The following FAM149A variants were observed in gnomAD, a reference collection of about 807,000 sequenced individuals.
FAM149A encodes family with sequence similarity 149 member A, also known as protein FAM149A.
In FAM149A, 71 loss-of-function variants were observed where a neutral mutation model predicts 78.2. That is an observed-to-expected ratio of 0.91 (90% CI 0.75 to 1.11). The LOEUF is 1.11. FAM149A is among the 50% of genes least tolerant of loss of function. The probability of loss-of-function intolerance (pLI) is 0.00; values close to 1 mark genes in which losing one functional copy is unlikely to be tolerated. For missense variants in FAM149A, 1,036 were observed against 971.0 expected (o/e 1.07, Z -0.89); for synonymous variants, 446 against 410.5 (o/e 1.09, Z -1.04).
intron 1 of FAM149A, among the ~76,000 whole-genome samples, chr4:186,137,397 C>T (rs1346688408): frequency 1.3e-5 from 2 of 152,110 alleles, no homozygotes; most frequent in Non-Finnish European, 2.9e-5. Flanking sequence ...GTCCCTCATG[C>T]ACATTCATAT....
chr4:186,130,376 A>AT (rs142273954), intron 1 of FAM149A, among the ~76,000 whole-genome samples: 2,253 of 149,000 alleles, frequency 0.015, 55 homozygotes, highest in African/African-American at 0.053. Flanking sequence ...TGTAACAGTA[A>AT]TTGTGTATAA....
chr4:186,168,868 C>T (rs1388863006), intron 13 of FAM149A, among the ~76,000 whole-genome samples: 1 of 152,166 alleles, frequency 6.6e-6, no homozygotes, highest in Non-Finnish European at 1.5e-5. Flanking sequence ...GGGTGAGCAG[C>T]ACCACCTGGA....
intron 1 of FAM149A, chr4:186,118,149 T>C (rs1304967214): frequency 2.0e-6 from 2 of 985,164 alleles, no homozygotes; most frequent in South Asian, 9.4e-5. Flanking sequence ...CGTACAGGAG[T>C]TGGTGAACAC....
chr4:186,136,176 T>C (rs1055384140), intron 1 of FAM149A, among the ~76,000 whole-genome samples: 2 of 152,244 alleles, frequency 1.3e-5, no homozygotes, highest in African/African-American at 4.8e-5. Flanking sequence ...AAATTTGGCC[T>C]TATTGATGTT....
chr4:186,161,278 T>C lies in FAM149A; in HGVS notation c.1576-1567T>C, dbSNP rs568226733. ...TAACATGAGAAAGGAAGGGAGGCTC[T>C]TCAAAGCAAAAGCAAAACTGCACCT... On this transcript the variant is annotated intron_variant, in intron 8 of 13. Transcript: ENST00000389354. Among the ~76,000 whole-genome samples the C allele has an allele frequency of 1.2e-4, 18 of 152,284 alleles. No homozygotes were observed. In the South Asian group the frequency reaches 3.7e-3, roughly 32 times the overall value.
In FAM149A at chr4:186,169,661, C is replaced by A. The variant is rs188415539; in HGVS notation, c.2219-2253C>A. The A allele has an allele frequency of 2.9e-5, 29 of 985,392 alleles. No homozygotes were observed. In the East Asian group the frequency reaches 2.0e-3, roughly 69 times the overall value. 61.0% of individuals were successfully genotyped at this position (985,392 alleles called of 1,614,324 possible). A position where few individuals can be genotyped will look rare whatever the true frequency, so the allele number is the denominator to read the frequency against. On this transcript the variant is annotated intron_variant, in intron 13 of 13. Transcript: ENST00000389354. ...AAACCAGAGTGGATTCATGGTGACA[C>A]CTTCGGCATATCACTCACTGCTTTC...
intron 13 of FAM149A, among the ~76,000 whole-genome samples, chr4:186,167,828 C>T (rs182179141): frequency 1.2e-4 from 19 of 152,254 alleles, no homozygotes; most frequent in African/African-American, 4.3e-4. Context: ...TGGAGTCTGA[C>T]GTTGGATTTC....
intron 6 of FAM149A, chr4:186,154,973 T>A (rs1733925051): frequency 3.1e-6 from 3 of 983,130 alleles, no homozygotes; most frequent in Non-Finnish European, 2.4e-6. Context: ...TGTTCTTTTT[T>A]TTTTTTTGAG....
chr4:186,146,895 C>A (rs1579867564), intron 1 of FAM149A: 1 of 985,408 alleles, frequency 1.0e-6, no homozygotes. Flanking sequence ...TCGTCTTCGC[C>A]GTTTGAGTCT....
intron 1 of FAM149A, chr4:186,123,107 C>A: frequency 2.3e-6 from 1 of 426,674 alleles, no homozygotes; most frequent in Non-Finnish European, 3.1e-6. Flanking sequence ...ATTCATAGGC[C>A]ATGCCTCTGC....
intron 1 of FAM149A, among the ~76,000 whole-genome samples, chr4:186,135,116 A>G (rs2099322182): frequency 6.6e-6 from 1 of 152,290 alleles, no homozygotes; most frequent in Non-Finnish European, 1.5e-5. Context: ...CTGGGTTTTT[A>G]CGAGCTCTCT....
chr4:186,123,896 A>G, intron 1 of FAM149A: 1 of 871,252 alleles, frequency 1.1e-6, no homozygotes, highest in Non-Finnish European at 1.4e-6. Context: ...AAAATAAAAC[A>G]CTTTTTGTAC....
At chr4:186,170,668 G>A (rs1044761585) in intron 13 of FAM149A, among the ~76,000 whole-genome samples, 3 of 152,178 alleles carry the variant, frequency 2.0e-5, no homozygotes, top group African/African-American at 7.2e-5. Flanking sequence ...GTGTGCAGGG[G>A]TCCCTGGGGC....
At chr4:186,109,771 A>C (rs1368350545) in intron 1 of FAM149A, 5 of 983,176 alleles carry the variant, frequency 5.1e-6, no homozygotes, top group Non-Finnish European at 6.0e-6. Context: ...ACAGAGAAAA[A>C]TGATTCATTA....
rs1388275597 is a variant in FAM149A, at chr4:186,105,476, G to A, written c.400G>A (p.Gly134Ser). ...CCCAGCGCGGCCGCCCTCGGGCCCC[G>A]GCGGGGTCTGGGCCGCGCTCCCCAG... The change falls in exon 1 of 14, where the codon GGC (glycine) becomes AGC (serine). Residue 134 changes from glycine to serine, a missense_variant. Gly to Ser is a moderately conservative substitution (Grantham distance 56, BLOSUM62 0). Around this residue, in one of 3 missense-constraint regions of FAM149A, gnomAD observed 316 missense variants for 241.9 expected, o/e 1.31. Coordinates refer to ENST00000389354, the MANE Select transcript of FAM149A (RefSeq NM_001367768.3). 1.6e-6 allele frequency: 2 copies of A among 1,212,792 alleles called. No homozygotes were observed. Among genetic ancestry groups the A allele is most frequent in the Non-Finnish European group, 2.1e-6 (2 of 957,538 alleles). The allele number at this position is 1,212,792 out of a possible 1,614,324, so 75.1% of individuals were successfully genotyped here.
Position 186,164,840 on chromosome 4 carries a change from T to C in FAM149A, c.1890-504T>C, listed in dbSNP as rs377367117. ...GTGGGCTGCTGATTTTTCAGCTTTC[T>C]TTTTATTATTGCCACCCTGAGGAGC... On this transcript the variant is annotated intron_variant, in intron 10 of 13. Transcript: ENST00000389354. The surrounding 1 kb of genome is among the most constrained non-coding windows in gnomAD (Gnocchi z 4.0). Among the ~76,000 whole-genome samples the C allele has an allele frequency of 1.3e-5, 2 of 152,186 alleles. No homozygotes were observed. Among genetic ancestry groups the C allele is most frequent in the Admixed American group, 1.3e-4 (2 of 15,288 alleles).
At chr4:186,167,475 A>G (rs1259194089) in intron 13 of FAM149A, 1 of 614,844 alleles carries the variant, frequency 1.6e-6, no homozygotes, top group Admixed American at 2.2e-5. Flanking sequence ...GAAGAGGGGA[A>G]TGTCCAAAAG....
intron 1 of FAM149A, among the ~76,000 whole-genome samples, chr4:186,120,392 T>C (rs983588122): frequency 2.0e-5 from 3 of 152,322 alleles, no homozygotes; most frequent in Middle Eastern, 3.4e-3. Context: ...TTTTAATGAA[T>C]TAAGATAGTA....
chr4:186,171,893 C>T, intron 13 of FAM149A, 21 bp from the exon 14 acceptor site: 1 of 1,597,120 alleles, frequency 6.3e-7, no homozygotes, highest in Non-Finnish European at 8.5e-7. Context: ...ATGAGAATTA[C>T]CTTTTGCTTG....
Sources: allele counts gnomAD v4.1 joint callset (sites outside exome capture counted in the v4.1 genomes callset), GRCh38; gene constraint gnomAD v4.1.1; regional missense constraint gnomAD v4.1.1; non-coding constraint Gnocchi (gnomAD v3.1); transcripts MANE v1.5; gene names NCBI Gene and HGNC (gene_info 2026-07-23, HGNC 2026-07-21).